The following IL7 variants were observed in gnomAD, a reference collection of about 807,000 sequenced individuals.
IL7 encodes interleukin 7.
IL7 carries 3 observed loss-of-function variants against 21.6 expected under a neutral mutation model. The observed-to-expected ratio is 0.14, with a 90% CI of 0.06 to 0.36. The LOEUF is 0.36. Among genes scored for constraint, IL7 ranks in the 10% least tolerant of loss-of-function variants. The pLI is 1.00. For synonymous variants in IL7, 62 were observed against 68.1 expected (o/e 0.91, Z 0.44); for missense variants, 175 against 200.2 (o/e 0.87, Z 0.76).
chr8:78,761,484 T>A (rs1812554167), intron 2 of IL7: 1 of 1,611,426 alleles, frequency 6.2e-7, no homozygotes, highest in African/African-American at 1.3e-5. Context: ...CACTTCTCAG[T>A]TATCATAGTG....
downstream of IL7, among the ~76,000 whole-genome samples, chr8:78,714,653 C>G (rs1214543438): frequency 2.0e-5 from 3 of 152,146 alleles, no homozygotes; most frequent in Admixed American, 1.3e-4. Context: ...CATGGATGAT[C>G]CAACCAGAAG....
intron 2 of IL7, among the ~76,000 whole-genome samples, chr8:78,769,738 G>T (rs1812888899): frequency 1.3e-5 from 2 of 152,074 alleles, no homozygotes; most frequent in Admixed American, 1.3e-4. Flanking sequence ...TCAAACCTAA[G>T]CCAAAAGAAC....
intron 3 of IL7, among the ~76,000 whole-genome samples, chr8:78,687,305 A>G (rs1430282750): frequency 1.3e-5 from 2 of 151,048 alleles, no homozygotes; most frequent in Non-Finnish European, 2.9e-5. Flanking sequence ...ATTTTCTAAC[A>G]AAGAGAAAGT....
rs1417779449 is a variant in IL7 at position 78,733,003 on chromosome 8, G to T, written c.*710C>A. 1 of 151,886 alleles carries T rather than the reference G, an allele frequency of 6.6e-6. No homozygotes were observed. Among genetic ancestry groups the T allele is most frequent in the African/African-American group, 2.4e-5 (1 of 41,356 alleles). 9.4% of individuals were successfully genotyped at this position (151,886 alleles called of 1,614,324 possible). A position where few individuals can be genotyped will look rare whatever the true frequency, so the allele number is the denominator to read the frequency against. On this transcript the variant is annotated 3_prime_UTR_variant, in exon 6 of 6. Transcript: ENST00000263851. ...AATGACAATGTAACTCAGTACTAAGGTTTAGCATCCTTAGACTAGGTGAAT... is the reference window on the plus strand; with the variant it reads ...AATGACAATGTAACTCAGTACTAAGTTTTAGCATCCTTAGACTAGGTGAAT...
chr8:78,698,901 C>G (rs149432016), intron 3 of IL7, among the ~76,000 whole-genome samples: 97 of 152,174 alleles, frequency 6.4e-4, no homozygotes, highest in African/African-American at 2.1e-3. Flanking sequence ...AAAAGAAGAT[C>G]AGAGAAGCTC....
intron 2 of IL7, among the ~76,000 whole-genome samples, chr8:78,756,614 A>C (rs1414053875): frequency 2.0e-5 from 3 of 152,044 alleles, no homozygotes; most frequent in African/African-American, 7.2e-5. Flanking sequence ...ATAGTTGCTC[A>C]AAATAATCTC....
rs60991823 is a variant in IL7 at position 78,759,057 on chromosome 8, T to TCC, written c.148-18977_148-18976dup. 7.5e-3 allele frequency among the ~76,000 whole-genome samples: 1,087 copies of TCC among 145,692 alleles called. 11 individuals are homozygous for TCC. The highest frequency in any genetic ancestry group is 0.023 in the African/African-American group (877 of 38,148). On this transcript the variant is annotated intron_variant, in intron 2 of 5. Transcript: ENST00000263851. Reference sequence around the variant, plus strand: ...TCTTCATTCTCTTTTATTCTTTTATTCCCCCCCCCACCTTTTTTTTTAATC... The same window carrying TCC: ...TCTTCATTCTCTTTTATTCTTTTATTCCCCCCCCCCCACCTTTTTTTTTAATC...
At chr8:78,757,933 A>G (rs1812406726) in intron 2 of IL7, among the ~76,000 whole-genome samples, 1 of 152,012 alleles carries the variant, frequency 6.6e-6, no homozygotes, top group South Asian at 2.1e-4. Context: ...GTCTCATGAG[A>G]TCTCATGGTT....
intron 3 of IL7, among the ~76,000 whole-genome samples, chr8:78,703,737 T>A (rs1810681018): frequency 6.6e-6 from 1 of 152,156 alleles, no homozygotes; most frequent in South Asian, 2.1e-4. Context: ...ATCAAAATAC[T>A]TGCCACTCTG....
chr8:78,707,797 T>C (rs934620381), intron 3 of IL7, among the ~76,000 whole-genome samples: 1 of 152,146 alleles, frequency 6.6e-6, no homozygotes, highest in African/African-American at 2.4e-5. Context: ...TGTTACTGTA[T>C]TAAATTAGAA....
intron 3 of IL7, among the ~76,000 whole-genome samples, chr8:78,710,513 A>G (rs1426042045): frequency 6.6e-6 from 1 of 152,034 alleles, no homozygotes; most frequent in African/African-American, 2.4e-5. Context: ...GGATTTGACC[A>G]TTTCTTATCA....
intron 3 of IL7, among the ~76,000 whole-genome samples, chr8:78,739,006 T>C (rs1811688894): frequency 6.6e-6 from 1 of 152,196 alleles, no homozygotes; most frequent in Non-Finnish European, 1.5e-5. Flanking sequence ...GTATGTGTGG[T>C]TTTTTCTTAG....
chr8:78,768,386 A>G (rs1205655449), intron 2 of IL7, among the ~76,000 whole-genome samples: 2 of 150,364 alleles, frequency 1.3e-5, no homozygotes, highest in East Asian at 3.9e-4. Context: ...CAGTCCCACC[A>G]ACAGTGTAAA....
exon 5 of IL7, chr8:78,675,907 A>G: frequency 2.0e-6 from 3 of 1,520,608 alleles, no homozygotes; most frequent in Non-Finnish European, 2.7e-6. Flanking sequence ...ACAGATCTGT[A>G]ATTGTTCAAT....
At chr8:78,738,414 A>G in intron 4 of IL7, 90 bp downstream of exon 4, 1 of 1,066,776 alleles carries the variant, frequency 9.4e-7, no homozygotes, top group Non-Finnish European at 1.4e-6. Context: ...TTAGGATTCT[A>G]TGATAATGGA....
At chr8:78,753,522 G>C (rs1208336942) in intron 2 of IL7, among the ~76,000 whole-genome samples, 2 of 152,074 alleles carry the variant, frequency 1.3e-5, no homozygotes, top group East Asian at 1.9e-4. Context: ...CCATTCTGTA[G>C]GTAACCTGTT....
chr8:78,715,570 A>T (rs1811075943), downstream of IL7, among the ~76,000 whole-genome samples: 1 of 152,192 alleles, frequency 6.6e-6, no homozygotes, highest in South Asian at 2.1e-4. Context: ...AGGAGGTCAA[A>T]ATATCCACAT....
chr8:78,767,065 G>C (rs1266415039), intron 2 of IL7, among the ~76,000 whole-genome samples: 1 of 151,908 alleles, frequency 6.6e-6, no homozygotes, highest in Admixed American at 6.6e-5. Context: ...TTAACAATTT[G>C]CATCTTCTTT....
chr8:78,757,655 T>C (rs556888217), intron 2 of IL7, among the ~76,000 whole-genome samples: 9 of 152,120 alleles, frequency 5.9e-5, no homozygotes, highest in Non-Finnish European at 1.2e-4. Flanking sequence ...TCTTTATCTC[T>C]TGTTATGTTC....
Sources: gnomAD v4.1 joint callset for allele counts (sites outside exome capture counted in the v4.1 genomes callset) on GRCh38, gnomAD v4.1.1 for gene constraint, MANE v1.5 for transcripts, NCBI Gene and HGNC (gene_info 2026-07-23, HGNC 2026-07-21) for gene names.